ARHGEF3: variants seen among roughly 807,000 people sequenced by gnomAD.
ARHGEF3 encodes the protein Rho guanine nucleotide exchange factor 3.
Under a neutral mutation model 63.2 loss-of-function variants are expected in ARHGEF3, and 28 were observed. The ratio of observed to expected loss-of-function variants is 0.44; its 90% CI spans 0.33 to 0.61. The LOEUF is 0.61. Among genes scored for constraint, ARHGEF3 ranks in the 20% least tolerant of loss-of-function variants. ARHGEF3 has a pLI of 0.03. For missense variants in ARHGEF3, 533 were observed against 659.3 expected, an observed-to-expected ratio of 0.81 and a Z score of 2.10; for synonymous variants, 266 against 254.2, an observed-to-expected ratio of 1.05 and a Z score of -0.44.
At chr3:56,757,975 G>C (rs1680956493) in intron 2 of ARHGEF3, among the ~76,000 whole-genome samples, 2 of 150,422 alleles carry the variant, frequency 1.3e-5, no homozygotes, top group African/African-American at 4.9e-5. Flanking sequence ...GCCCGCCTCG[G>C]CCTCCCAAAG....
At chr3:56,992,024 C>CTCTGTGTGTGTGTGTG (rs1239113895) in intron 2 of ARHGEF3, among the ~76,000 whole-genome samples, 2 of 131,718 alleles carry the variant, frequency 1.5e-5, no homozygotes, top group African/African-American at 5.8e-5. Flanking sequence ...CCTCCTCTCT[C>CTCTGTGTGTGTGTGTG]TGTGTGTGTG....
intron 1 of ARHGEF3, among the ~76,000 whole-genome samples, chr3:57,047,986 G>A (rs989977973): frequency 6.6e-6 from 1 of 152,112 alleles, no homozygotes; most frequent in African/African-American, 2.4e-5. Context: ...TCCAGAGGCA[G>A]TAAAGCTCAG....
intron 4 of ARHGEF3, among the ~76,000 whole-genome samples, chr3:56,823,371 C>T (rs76666448): frequency 0.014 from 2,181 of 152,186 alleles, 24 homozygotes; most frequent in Non-Finnish European, 0.02. Flanking sequence ...AGCAGGAGCC[C>T]CAATTCTCCA....
At chr3:56,773,490 G>C (rs2036116090) in intron 2 of ARHGEF3, among the ~76,000 whole-genome samples, 1 of 152,128 alleles carries the variant, frequency 6.6e-6, no homozygotes. Flanking sequence ...TACAATTGTG[G>C]GGAAAGGCCC....
At chr3:56,779,550 T>C (rs1464154469) in intron 1 of ARHGEF3, among the ~76,000 whole-genome samples, 2 of 152,190 alleles carry the variant, frequency 1.3e-5, no homozygotes, top group African/African-American at 4.8e-5. Context: ...TGGAGTGCAG[T>C]GGCGCCATCT....
intron 4 of ARHGEF3, among the ~76,000 whole-genome samples, chr3:56,834,746 C>CAAAA (rs763133636): frequency 1.3e-4 from 9 of 69,724 alleles, no homozygotes; most frequent in Admixed American, 2.7e-4. Context: ...CTCTGACTTA[C>CAAAA]AAAAAAAAAA....
At chr3:56,819,656 T>C (rs370781273) in intron 4 of ARHGEF3, among the ~76,000 whole-genome samples, 3 of 146,104 alleles carry the variant, frequency 2.1e-5, no homozygotes, top group East Asian at 4.1e-4. Flanking sequence ...GGACTACAGG[T>C]GCACCACCAT....
chr3:56,832,059 A>G (rs996003049), intron 4 of ARHGEF3, among the ~76,000 whole-genome samples: 6 of 151,562 alleles, frequency 4.0e-5, no homozygotes, highest in African/African-American at 1.5e-4. Flanking sequence ...ATACAGAAAG[A>G]CTGCACAAAC....
intron 4 of ARHGEF3, among the ~76,000 whole-genome samples, chr3:56,816,707 C>T (rs1482790418): frequency 2.0e-5 from 3 of 152,182 alleles, no homozygotes; most frequent in Admixed American, 1.3e-4. Context: ...GAAACTGAGG[C>T]ACAGAGAGTT....
intron 2 of ARHGEF3, chr3:56,975,709 C>A: frequency 2.7e-6 from 1 of 365,222 alleles, no homozygotes; most frequent in Non-Finnish European, 5.2e-6. Context: ...ATGTTAAAAC[C>A]ATTGCAGAAG....
chr3:56,923,728 T>C (rs957216474), intron 3 of ARHGEF3, among the ~76,000 whole-genome samples: 5 of 152,236 alleles, frequency 3.3e-5, no homozygotes, highest in African/African-American at 1.2e-4. Flanking sequence ...GTGTTCATTC[T>C]GCCTAAACAC....
intron 3 of ARHGEF3, among the ~76,000 whole-genome samples, chr3:56,910,388 C>T (rs1341952013): frequency 6.6e-6 from 1 of 152,196 alleles, no homozygotes; most frequent in Non-Finnish European, 1.5e-5. Flanking sequence ...GGGATGAGTA[C>T]AGTCAAAATC....
chr3:56,971,986 G>C (rs1011703696), intron 2 of ARHGEF3, among the ~76,000 whole-genome samples: 1 of 151,998 alleles, frequency 6.6e-6, no homozygotes, highest in African/African-American at 2.4e-5. Context: ...TCATATCCCA[G>C]ACACTCCTGA....
intron 4 of ARHGEF3, among the ~76,000 whole-genome samples, chr3:56,875,077 G>T (rs1045892325): frequency 6.6e-6 from 1 of 152,114 alleles, no homozygotes; most frequent in Non-Finnish European, 1.5e-5. Context: ...AAAAGCTATG[G>T]TATTTGCTAG....
intron 1 of ARHGEF3, chr3:57,075,014 C>CA (rs1348850360): frequency 1.6e-4 from 26 of 167,200 alleles, no homozygotes. Flanking sequence ...TGAGATAGAC[C>CA]ATGTCCAGTG....
At chr3:56,984,622 T>C (rs1244026072) in intron 2 of ARHGEF3, among the ~76,000 whole-genome samples, 1 of 152,254 alleles carries the variant, frequency 6.6e-6, no homozygotes, top group Non-Finnish European at 1.5e-5. Context: ...GGCATAACTT[T>C]TTAAAAAATC....
intron 2 of ARHGEF3, among the ~76,000 whole-genome samples, chr3:56,765,443 C>T (rs1005071131): frequency 2.6e-5 from 4 of 152,146 alleles, no homozygotes; most frequent in African/African-American, 9.6e-5. Context: ...CTTCCACCCC[C>T]AAGCTCATCT....
intron 1 of ARHGEF3, among the ~76,000 whole-genome samples, chr3:57,077,842 A>T (rs1313384085): frequency 6.6e-6 from 1 of 152,134 alleles, no homozygotes; most frequent in Admixed American, 6.5e-5. Flanking sequence ...ACATTCTGAG[A>T]TATACTTTGC....
At chr3:57,002,124 C>G (rs1341039777) in intron 2 of ARHGEF3, among the ~76,000 whole-genome samples, 1 of 151,548 alleles carries the variant, frequency 6.6e-6, no homozygotes, top group African/African-American at 2.4e-5. Flanking sequence ...AGGGTTTCAC[C>G]ATGGTCTCGA....
Sources: allele counts gnomAD v4.1 joint callset (sites outside exome capture counted in the v4.1 genomes callset), GRCh38; gene constraint gnomAD v4.1.1; transcripts MANE v1.5; gene names NCBI Gene and HGNC (gene_info 2026-07-23, HGNC 2026-07-21).